The following JAM2 variants were observed in gnomAD, a reference collection of about 807,000 sequenced individuals.
JAM2 encodes the protein junctional adhesion molecule B.
A neutral mutation model predicts 42.0 loss-of-function variants in JAM2; 17 were observed. The observed-to-expected ratio is 0.40, with a 90% CI of 0.28 to 0.61. The LOEUF is 0.61. Among genes scored for constraint, JAM2 ranks in the 20% least tolerant of loss-of-function variants. The pLI, the probability that JAM2 is intolerant of heterozygous loss-of-function variation, is 0.37. For synonymous variants in JAM2, 118 were observed against 128.6 expected, an observed-to-expected ratio of 0.92 and a Z score of 0.56; for missense variants, 319 against 358.3, an observed-to-expected ratio of 0.89 and a Z score of 0.89.
intron 7 of JAM2, among the ~76,000 whole-genome samples, chr21:25,708,441 A>G (rs935868826): frequency 6.6e-6 from 1 of 152,074 alleles, no homozygotes; most frequent in African/African-American, 2.4e-5. Context: ...CGTTGCACAC[A>G]CCTTTAGTTC....
At chr21:25,647,126 A>T (rs1183412917) in intron 1 of JAM2, among the ~76,000 whole-genome samples, 1 of 152,212 alleles carries the variant, frequency 6.6e-6, no homozygotes, top group Admixed American at 6.5e-5. Context: ...AACTTCCTAA[A>T]TACATACTAT....
chr21:25,650,123 A>G (rs933268378), intron 1 of JAM2, among the ~76,000 whole-genome samples: 1 of 152,184 alleles, frequency 6.6e-6, no homozygotes, highest in Non-Finnish European at 1.5e-5. Context: ...AACACCTCTT[A>G]AAGGTCCTAC....
At chr21:25,672,712 T>C (rs2033389700) in intron 1 of JAM2, among the ~76,000 whole-genome samples, 1 of 152,190 alleles carries the variant, frequency 6.6e-6, no homozygotes. Flanking sequence ...ACGCAGACCA[T>C]GTCTCATTAG....
chr21:25,681,630 T>C (rs1366858692), intron 1 of JAM2, among the ~76,000 whole-genome samples: 1 of 152,208 alleles, frequency 6.6e-6, no homozygotes, highest in Non-Finnish European at 1.5e-5. Context: ...TGCATTATTC[T>C]GAGTTTGAAA....
intron 1 of JAM2, 81 bp from the exon 2 acceptor site, chr21:25,683,802 C>G: frequency 1.0e-6 from 1 of 977,554 alleles, no homozygotes; most frequent in South Asian, 1.5e-5. Flanking sequence ...GGACAGTTTT[C>G]TTGACTATTG....
chr21:25,698,729 T>A lies in JAM2; in HGVS notation c.447T>A (p.Thr149=), dbSNP rs776773956. 20 of 1,614,054 alleles carry A rather than the reference T, an allele frequency of 1.2e-5. No homozygotes were observed. The highest frequency in any genetic ancestry group is 7.7e-5 in the South Asian group (7 of 91,082). ...TACCCTCTTCTGCTCTGAGTGGAAC[T>A]GTGGTAGAGCTACGATGTCAAGACA... is the stretch of plus-strand genomic sequence containing the variant. ...CEVPSSALSG[T]VVELRCQDKE... The change falls in exon 5 of 10, where the codon ACT becomes ACA. Residue 149 remains threonine (T), a synonymous_variant. Coordinates refer to ENST00000480456, the MANE Select transcript of JAM2 (RefSeq NM_021219.4).
At chr21:25,697,763 G>A (rs1280948429) in intron 4 of JAM2, among the ~76,000 whole-genome samples, 3 of 152,102 alleles carry the variant, frequency 2.0e-5, no homozygotes, top group Non-Finnish European at 4.4e-5. Flanking sequence ...AAATTAGCTG[G>A]TCGTGGTGGC....
chr21:25,712,923 A>G (rs550087025), intron 9 of JAM2, among the ~76,000 whole-genome samples: 2 of 152,314 alleles, frequency 1.3e-5, no homozygotes, highest in African/African-American at 4.8e-5. Context: ...TACAAACAAC[A>G]AATTTATTTT....
chr21:25,702,214 T>C lies in JAM2; in HGVS notation c.642T>C (p.Cys214=). Residue 214 remains cysteine, a synonymous_variant, in exon 6 of 10, where the codon TGT becomes TGC. Transcript: ENST00000480456. The part of the protein sequence containing the change: ...VSKLDTGEYS[C]EARNSVGYRR... Reference sequence around the variant, plus strand: ...AACTGGACACTGGAGAATATTCCTGTGAAGCCCGCAATTCTGTTGGATATC... The same window carrying C: ...AACTGGACACTGGAGAATATTCCTGCGAAGCCCGCAATTCTGTTGGATATC... 1 of 1,599,568 alleles carries C rather than the reference T, an allele frequency of 6.3e-7. No individual in the cohort carries two copies. Among genetic ancestry groups the C allele is most frequent in the East Asian group, 2.2e-5 (1 of 44,664 alleles).
At chr21:25,660,611 T>C (rs1369315078) in intron 1 of JAM2, among the ~76,000 whole-genome samples, 2 of 151,568 alleles carry the variant, frequency 1.3e-5, no homozygotes, top group African/African-American at 4.9e-5. Context: ...TCCAAAGTCC[T>C]GCTGCATGTT....
intron 2 of JAM2, among the ~76,000 whole-genome samples, chr21:25,688,978 T>C (rs1164670601): frequency 6.6e-6 from 1 of 151,610 alleles, no homozygotes; most frequent in Non-Finnish European, 1.5e-5. Flanking sequence ...GGTTTCCATT[T>C]GGCAACTTGA....
At chr21:25,671,336 T>C (rs2033356382) in intron 1 of JAM2, among the ~76,000 whole-genome samples, 1 of 152,124 alleles carries the variant, frequency 6.6e-6, no homozygotes, top group Non-Finnish European at 1.5e-5. Context: ...TTTTACAAAA[T>C]GTGCATGCAT....
intron 1 of JAM2, among the ~76,000 whole-genome samples, chr21:25,664,408 G>C (rs2033164859): frequency 6.6e-6 from 1 of 152,030 alleles, no homozygotes; most frequent in Admixed American, 6.5e-5. Context: ...GCTAATTTTT[G>C]TATTTTTTGT....
intron 1 of JAM2, among the ~76,000 whole-genome samples, chr21:25,643,021 G>A (rs2032490194): frequency 6.6e-6 from 1 of 152,176 alleles, no homozygotes; most frequent in Non-Finnish European, 1.5e-5. Flanking sequence ...CTCTTTGTAA[G>A]CGCACTGTTG....
chr21:25,697,007 ATTTTTTT>A (rs11348784), intron 4 of JAM2, among the ~76,000 whole-genome samples: 5 of 133,336 alleles, frequency 3.7e-5, no homozygotes, highest in South Asian at 2.4e-4. Flanking sequence ...GCACACACCT[ATTTTTTT>A]TTTTTTTTTT....
chr21:25,695,834 G>A (rs1380386633), intron 4 of JAM2, among the ~76,000 whole-genome samples: 1 of 151,006 alleles, frequency 6.6e-6, no homozygotes, highest in East Asian at 2.0e-4. Flanking sequence ...CAGACCGGGC[G>A]GCGGGGCAGA....
intron 9 of JAM2, 111 bp downstream of exon 9, chr21:25,712,493 C>A: frequency 1.4e-6 from 1 of 713,894 alleles, no homozygotes; most frequent in Non-Finnish European, 2.4e-6. Flanking sequence ...CACTTTGCAC[C>A]AGTGTCTATC....
At chr21:25,713,849 T>G (rs922286016) in intron 9 of JAM2, among the ~76,000 whole-genome samples, 1 of 152,210 alleles carries the variant, frequency 6.6e-6, no homozygotes, top group South Asian at 2.1e-4. Context: ...ATGAAGCACA[T>G]TGTGGCTAAA....
chr21:25,686,421 C>T lies in JAM2; in HGVS notation c.133+2473C>T, dbSNP rs934433705. On this transcript the variant is annotated intron_variant, in intron 2 of 9. Coordinates refer to ENST00000480456, the MANE Select transcript of JAM2 (RefSeq NM_021219.4). ...GCAGTAACTTAATTTTGCCGTAAGT[C>T]TATAATATTTTATGATTTGTGTATA... 7.3e-5 allele frequency among the ~76,000 whole-genome samples: 11 copies of T among 151,218 alleles called. 1 individual carries two copies. The highest frequency in any genetic ancestry group is 5.9e-4 in the Admixed American group (9 of 15,162).
Sources: allele counts gnomAD v4.1 joint callset (sites outside exome capture counted in the v4.1 genomes callset), GRCh38; gene constraint gnomAD v4.1.1; transcripts MANE v1.5; gene names NCBI Gene and HGNC (gene_info 2026-07-23, HGNC 2026-07-21).